GSDME: variants seen among roughly 807,000 people sequenced by gnomAD.
GSDME encodes gasdermin-E.
Under a neutral mutation model 47.5 loss-of-function variants are expected in GSDME, and 44 were observed. The observed-to-expected ratio is 0.93, with a 90% CI of 0.73 to 1.19. GSDME has a LOEUF of 1.19. GSDME is among the 50% of genes most tolerant of loss of function. GSDME has a pLI of 0.00. For synonymous variants in GSDME, 258 were observed against 252.8 expected (o/e 1.02, Z -0.20); for missense variants, 663 against 604.2 (o/e 1.10, Z -1.02).
chr7:24,751,242 C>T (rs890757997), intron 1 of GSDME, among the ~76,000 whole-genome samples: 3 of 152,014 alleles, frequency 2.0e-5, no homozygotes, highest in African/African-American at 7.3e-5. Context: ...TGCACATAGC[C>T]CAATATATAT....
chr7:24,710,337 A>G lies in GSDME; in HGVS notation c.749T>C (p.Ile250Thr). 6.2e-7 allele frequency: 1 copy of G among 1,614,256 alleles called. No individual in the cohort carries two copies. The highest frequency in any genetic ancestry group is 8.5e-7 in the Non-Finnish European group (1 of 1,180,046). ...CAGGGGGTCCAGGTAGACAGAGTCA[A>G]TTCTCTTCTTGTTCTCGAAGCCACC... ...KQGGFENKKR[I>T]DSVYLDPLVF... The change falls in exon 6 of 10, where the codon ATT becomes ACT. Residue 250 changes from isoleucine to threonine, a missense_variant. By Grantham distance (89) the Ile-to-Thr change is moderately conservative. Transcript: ENST00000645220.
chr7:24,701,514 T>G (rs1390145786), intron 9 of GSDME, among the ~76,000 whole-genome samples: 5 of 152,194 alleles, frequency 3.3e-5, no homozygotes, highest in Non-Finnish European at 7.3e-5. Context: ...GGATTTTCTT[T>G]TTATTTGCTT....
At chr7:24,702,628 ATACT>A (rs1222197769) in intron 9 of GSDME, 128 bp downstream of exon 9, 16 of 756,904 alleles carry the variant, frequency 2.1e-5, no homozygotes, top group Admixed American at 7.2e-5. Context: ...GTTAATAACA[ATACT>A]TACTTAATGT....
At chr7:24,772,303 C>A in the GSDME span, among the ~76,000 whole-genome samples, 1 of 152,236 alleles carries the variant, frequency 6.6e-6, no homozygotes, top group African/African-American at 2.4e-5. This position sits in a 1 kb window ranked among gnomAD's most constrained non-coding sequence, Gnocchi z 4.5. Flanking sequence ...TTAATCTTCT[C>A]TTTCTCTACC....
chr7:24,741,058 G>C (rs1790474002), intron 3 of GSDME, among the ~76,000 whole-genome samples: 1 of 152,162 alleles, frequency 6.6e-6, no homozygotes, highest in Admixed American at 6.5e-5. Context: ...AAAGCCTTCA[G>C]AGATCATCTA....
At chr7:24,751,074 A>C (rs1360087748) in intron 1 of GSDME, among the ~76,000 whole-genome samples, 1 of 152,252 alleles carries the variant, frequency 6.6e-6, no homozygotes, top group Non-Finnish European at 1.5e-5. Context: ...GGGCCTTTAG[A>C]AAGACAAAGG....
chr7:24,703,086 A>C, intron 8 of GSDME: 1 of 401,754 alleles, frequency 2.5e-6, no homozygotes, highest in Non-Finnish European at 4.8e-6. Context: ...AATTTACCAA[A>C]TGGAAAGAAC....
chr7:24,762,215 C>CT (rs1314479563), upstream of GSDME, among the ~76,000 whole-genome samples: 1 of 140,982 alleles, frequency 7.1e-6, no homozygotes, highest in Non-Finnish European at 1.5e-5. Context: ...GATCGTGCCA[C>CT]TGTACTCCAG....
Position 24,719,076 on chromosome 7 carries a change from T to A in GSDME, c.547A>T (p.Ile183Phe), listed in dbSNP as rs745848574. 3.1e-6 allele frequency: 5 copies of A among 1,613,272 alleles called. No homozygotes were observed. Among genetic ancestry groups the A allele is most frequent in the Non-Finnish European group, 4.2e-6 (5 of 1,180,038 alleles). The change falls in exon 4 of 10, where the codon ATC (isoleucine) becomes TTC (phenylalanine). Residue 183 changes from isoleucine (I) to phenylalanine (F), a missense_variant. Coordinates refer to ENST00000645220, the MANE Select transcript of GSDME (RefSeq NM_001127453.2). ...HMQVEEKCGG[I>F]VGIQTKTVQV... is the part of the protein sequence containing the mutation. ...ACCGTCTTGGTCTGGATGCCCACGA[T>A]GCCACCACACTTCTCCTCGACCTGC...
rs1790173788 is a variant in GSDME, at chr7:24,732,390, A to C, written c.404+12172T>G. On this transcript the variant is annotated intron_variant, in intron 3 of 9. Coordinates refer to ENST00000645220, the MANE Select transcript of GSDME (RefSeq NM_001127453.2). The surrounding 1 kb of genome is among the most constrained non-coding windows in gnomAD (Gnocchi z 4.8). Reference sequence around the variant, plus strand: ...GAGCAGAGCAAGATGGGTGAATGGAAGCCTCCCGTGATTGTTCTCCCCACA... The same window carrying C: ...GAGCAGAGCAAGATGGGTGAATGGACGCCTCCCGTGATTGTTCTCCCCACA... Among the ~76,000 whole-genome samples, 2 of 152,206 alleles carry C rather than the reference A, an allele frequency of 1.3e-5. No homozygotes were observed. The highest frequency in any genetic ancestry group is 4.8e-5 in the African/African-American group (2 of 41,454).
the GSDME span, among the ~76,000 whole-genome samples, chr7:24,787,126 C>G: frequency 6.6e-6 from 1 of 152,134 alleles, no homozygotes; most frequent in Non-Finnish European, 1.5e-5. This position sits in a 1 kb window ranked among gnomAD's most constrained non-coding sequence, Gnocchi z 5.0. Flanking sequence ...TGAGGAAACA[C>G]GAGATACTGT....
chr7:24,785,537 C>T, the GSDME span, among the ~76,000 whole-genome samples: 1 of 152,190 alleles, frequency 6.6e-6, no homozygotes, highest in Non-Finnish European at 1.5e-5. Flanking sequence ...CTCACTGCAA[C>T]CTCCACCTCA....
chr7:24,772,703 A>T, the GSDME span, among the ~76,000 whole-genome samples: 1 of 152,356 alleles, frequency 6.6e-6, no homozygotes, highest in South Asian at 2.1e-4. This position sits in a 1 kb window ranked among gnomAD's most constrained non-coding sequence, Gnocchi z 4.5. Flanking sequence ...TCCATGACTA[A>T]CTTGGTTTTA....
At chr7:24,790,319 T>C in the GSDME span, among the ~76,000 whole-genome samples, 2 of 152,232 alleles carry the variant, frequency 1.3e-5, no homozygotes, top group African/African-American at 4.8e-5. The surrounding 1 kb of genome is among the most constrained non-coding windows in gnomAD (Gnocchi z 4.1). Flanking sequence ...CATATCCCCA[T>C]GAGCCATCTT....
upstream of GSDME, among the ~76,000 whole-genome samples, chr7:24,761,560 T>C (rs541280249): frequency 6.6e-6 from 1 of 152,240 alleles, no homozygotes; most frequent in African/African-American, 2.4e-5. The surrounding 1 kb of genome is among the most constrained non-coding windows in gnomAD (Gnocchi z 4.4). Context: ...CTCCTGAAAC[T>C]ATCACATTGG....
intron 3 of GSDME, among the ~76,000 whole-genome samples, chr7:24,740,296 G>A (rs569471392): frequency 5.0e-4 from 76 of 152,146 alleles, no homozygotes; most frequent in African/African-American, 1.8e-3. Flanking sequence ...GGTAGTGGGA[G>A]AGTGGTAGGG....
the GSDME span, among the ~76,000 whole-genome samples, chr7:24,777,225 G>A: frequency 2.0e-5 from 3 of 152,162 alleles, no homozygotes; most frequent in Non-Finnish European, 4.4e-5. Context: ...TTTTAATCAA[G>A]CAACATAATT....
intron 3 of GSDME, among the ~76,000 whole-genome samples, chr7:24,738,776 T>C (rs966464081): frequency 3.9e-5 from 6 of 152,064 alleles, no homozygotes; most frequent in African/African-American, 1.4e-4. Context: ...TAATGGCATA[T>C]AAACAAAAAT....
At chr7:24,737,142 G>T (rs114829110) in intron 3 of GSDME, among the ~76,000 whole-genome samples, 1 of 151,672 alleles carries the variant, frequency 6.6e-6, no homozygotes, top group Non-Finnish European at 1.5e-5. Context: ...TGGAAGAAAA[G>T]AAATAATAAA....
Sources: gnomAD v4.1 joint callset for allele counts (sites outside exome capture counted in the v4.1 genomes callset) on GRCh38, gnomAD v4.1.1 for gene constraint, Gnocchi (gnomAD v3.1) non-coding constraint, MANE v1.5 for transcripts, NCBI Gene and HGNC (gene_info 2026-07-23, HGNC 2026-07-21) for gene names.